The following CSMD1 variants were observed in gnomAD, a reference collection of about 807,000 sequenced individuals.
CSMD1 encodes CUB and Sushi multiple domains 1, also known as CUB and sushi domain-containing protein 1.
In CSMD1, 213 loss-of-function variants were observed where a neutral mutation model predicts 417.5. The ratio of observed to expected loss-of-function variants is 0.51; its 90% CI spans 0.46 to 0.57. CSMD1 has a LOEUF of 0.57. CSMD1 is among the 20% of genes least tolerant of loss of function. The probability of loss-of-function intolerance (pLI) is 0.00; values close to 1 mark genes in which losing one functional copy is unlikely to be tolerated. For missense variants in CSMD1, 6,923 were observed against 4,529.7 expected, an observed-to-expected ratio of 1.53 and a Z score of -15.17; for synonymous variants, 2,862 against 1,736.8, an observed-to-expected ratio of 1.65 and a Z score of -16.11.
intron 40 of CSMD1, among the ~76,000 whole-genome samples, chr8:3,146,917 G>C (rs1031906856): frequency 6.6e-6 from 1 of 152,122 alleles, no homozygotes; most frequent in African/African-American, 2.4e-5. Flanking sequence ...AATCGATCAG[G>C]CAATCCCATG....
chr8:3,494,409 T>G (rs2117307255), intron 10 of CSMD1, among the ~76,000 whole-genome samples: 1 of 152,194 alleles, frequency 6.6e-6, no homozygotes, highest in African/African-American at 2.4e-5. Flanking sequence ...TGGCCAATAC[T>G]ATGAGGAAGA....
At chr8:4,633,295 G>A (rs928718008) in intron 2 of CSMD1, among the ~76,000 whole-genome samples, 2 of 152,096 alleles carry the variant, frequency 1.3e-5, no homozygotes, top group African/African-American at 2.4e-5. Context: ...CCCCCAGGCT[G>A]GAGTGCAGTG....
At chr8:3,309,269 G>A (rs141985012) in intron 23 of CSMD1, among the ~76,000 whole-genome samples, 12 of 152,042 alleles carry the variant, frequency 7.9e-5, no homozygotes, top group East Asian at 7.8e-4. Flanking sequence ...GTCAAGACCC[G>A]CCCACCTTCC....
At chr8:4,458,319 A>G (rs1799609232) in intron 2 of CSMD1, among the ~76,000 whole-genome samples, 1 of 152,146 alleles carries the variant, frequency 6.6e-6, no homozygotes, top group Non-Finnish European at 1.5e-5. Context: ...GTGTGCGCAC[A>G]AGGGATCGAT....
At position 4,349,984 on chromosome 8, in the gene CSMD1, T is replaced by C. The variant is rs149996671; in HGVS notation, c.415+69969A>G. On this transcript the variant is annotated intron_variant, in intron 3 of 69. Transcript: ENST00000635120. ...TGCTGTAGACTTAAGGGATCCAAAGTAATAGCTTTGGTCCCTGAGCCCTGG... is the reference window on the plus strand; with the variant it reads ...TGCTGTAGACTTAAGGGATCCAAAGCAATAGCTTTGGTCCCTGAGCCCTGG... Among the ~76,000 whole-genome samples the C allele has an allele frequency of 1.5e-3, 226 of 152,232 alleles. 3 individuals carry two copies. The East Asian group carries it at 0.041, about 28-fold the overall frequency.
intron 2 of CSMD1, among the ~76,000 whole-genome samples, chr8:4,534,239 G>C (rs1030516770): frequency 6.6e-6 from 1 of 152,080 alleles, no homozygotes; most frequent in Non-Finnish European, 1.5e-5. Flanking sequence ...CTTCTGCGTG[G>C]GCCTGGCCCC....
rs143063179 is a variant in CSMD1 at position 4,730,956 on chromosome 8, T to C, written c.86-93398A>G. ...AACCAGGGCCAGTGTTCCTGCCTAT[T>C]GGGGTGATTTTACTCATTTAGGAAG... On this transcript the variant is annotated intron_variant, in intron 1 of 69. Transcript: ENST00000635120. Among the ~76,000 whole-genome samples, 127 of 152,160 alleles carry C rather than the reference T, an allele frequency of 8.3e-4. No individual in the cohort carries two copies. In the Middle Eastern group the frequency reaches 0.017, roughly 20 times the overall value.
intron 5 of CSMD1, among the ~76,000 whole-genome samples, chr8:3,793,051 G>C (rs553991479): frequency 7.2e-5 from 11 of 152,144 alleles, no homozygotes; most frequent in Non-Finnish European, 1.0e-4. Flanking sequence ...GCTAAGAATG[G>C]AGTAAAACAC....
At chr8:4,732,777 T>A (rs1416796889) in intron 1 of CSMD1, among the ~76,000 whole-genome samples, 1 of 152,206 alleles carries the variant, frequency 6.6e-6, no homozygotes, top group Non-Finnish European at 1.5e-5. Flanking sequence ...GCTCTAATTG[T>A]GCCCAAATCC....
intron 12 of CSMD1, among the ~76,000 whole-genome samples, chr8:3,452,925 C>T (rs540835970): frequency 6.1e-4 from 93 of 152,216 alleles, no homozygotes; most frequent in African/African-American, 2.1e-3. Flanking sequence ...TGGTAGAATT[C>T]GGCTGTGAAT....
chr8:4,215,289 C>T (rs1265302670), intron 3 of CSMD1, among the ~76,000 whole-genome samples: 1 of 152,168 alleles, frequency 6.6e-6, no homozygotes, highest in Non-Finnish European at 1.5e-5. Context: ...TCATAATATT[C>T]ATCTCCTCCC....
At chr8:3,140,353 CTCTCTCTCTGTTTT>C (rs927945872) in intron 41 of CSMD1, among the ~76,000 whole-genome samples, 9 of 151,838 alleles carry the variant, frequency 5.9e-5, no homozygotes, top group East Asian at 1.9e-4. Context: ...CTCTCTGTCT[CTCTCTCTCTGTTTT>C]TCTCTCTCGT....
intron 33 of CSMD1, among the ~76,000 whole-genome samples, chr8:3,194,132 A>C (rs1796571548): frequency 6.6e-6 from 1 of 152,208 alleles, no homozygotes; most frequent in Non-Finnish European, 1.5e-5. Context: ...ATTGCAAGCA[A>C]AATTTTACAT....
intron 3 of CSMD1, among the ~76,000 whole-genome samples, chr8:4,377,039 T>C (rs1802794761): frequency 2.0e-5 from 3 of 152,246 alleles, no homozygotes; most frequent in Middle Eastern, 3.4e-3. Flanking sequence ...GCCTCGTCGG[T>C]TTCAGATTGT....
chr8:4,823,710 C>T (rs999197029), intron 1 of CSMD1, among the ~76,000 whole-genome samples: 1 of 151,918 alleles, frequency 6.6e-6, no homozygotes, highest in African/African-American at 2.4e-5. Flanking sequence ...TAATATAATG[C>T]AATACAGATA....
chr8:3,586,141 C>T lies in CSMD1; in HGVS notation c.1217G>A (p.Cys406Tyr). 1 of 1,611,584 alleles carries T rather than the reference C, an allele frequency of 6.2e-7. No homozygotes were observed. Among genetic ancestry groups the T allele is most frequent in the Non-Finnish European group, 8.5e-7 (1 of 1,179,014 alleles). ...LAAWSDHRPICRARTCGSNLR... is the reference protein window; with the variant it reads ...LAAWSDHRPIYRARTCGSNLR... ...ACCCACCGCAGGTGCCTTACCTCGG[C>T]AGATGGGCCTGTGGTCACTCCAAGC... The change falls in exon 9 of 70, where the codon TGC becomes TAC. Residue 406 changes from cysteine (C) to tyrosine (Y), a missense_variant. Transcript: ENST00000635120.
At chr8:4,295,475 C>A (rs1427290173) in intron 3 of CSMD1, among the ~76,000 whole-genome samples, 2 of 142,116 alleles carry the variant, frequency 1.4e-5, no homozygotes, top group Non-Finnish European at 3.0e-5. Context: ...TTATTATACA[C>A]ATATAATCTT....
At chr8:4,900,085 CCA>C (rs1804768032) in intron 1 of CSMD1, among the ~76,000 whole-genome samples, 1 of 152,152 alleles carries the variant, frequency 6.6e-6, no homozygotes, top group African/African-American at 2.4e-5. Context: ...CCTTCTGCTT[CCA>C]CTGCAGACTC....
intron 5 of CSMD1, among the ~76,000 whole-genome samples, chr8:3,865,927 T>C (rs1585111508): frequency 6.6e-6 from 1 of 152,288 alleles, no homozygotes. Flanking sequence ...AATTAACTCC[T>C]CATGTTTCCC....
Sources: allele counts gnomAD v4.1 joint callset (sites outside exome capture counted in the v4.1 genomes callset), GRCh38; gene constraint gnomAD v4.1.1; transcripts MANE v1.5; gene names NCBI Gene and HGNC (gene_info 2026-07-23, HGNC 2026-07-21).